Variants in CHM observed in about 807,000 individuals in gnomAD.
CHM encodes the protein CHM Rab escort protein.
In CHM, 10 loss-of-function variants were observed where a neutral mutation model predicts 49.0. The observed-to-expected ratio is 0.20, with a 90% confidence interval of 0.13 to 0.35. CHM has a LOEUF of 0.35. CHM is among the 10% of genes least tolerant of loss of function. The pLI, the probability that CHM is intolerant of heterozygous loss-of-function variation, is 1.00. For synonymous variants in CHM, 184 were observed against 167.5 expected, an observed-to-expected ratio of 1.10 and a Z score of -0.76; for missense variants, 455 against 478.4, an observed-to-expected ratio of 0.95 and a Z score of 0.46.
intron 9 of CHM, among the ~76,000 whole-genome samples, chrX:85,901,937 C>A (rs940735937): frequency 9.0e-6 from 1 of 111,654 alleles, no homozygotes; most frequent in African/African-American, 3.2e-5. Flanking sequence ...AAATTAGAAT[C>A]CATCTCCTTG....
intron 14 of CHM, 38 bp downstream of exon 14, chrX:85,873,014 C>T (rs759154134): frequency 1.7e-6 from 2 of 1,172,798 alleles, no homozygotes; most frequent in African/African-American, 1.8e-5. Flanking sequence ...ACCACACCAA[C>T]ATCTTAATAC....
rs1199812050 is a variant in CHM at position 85,953,731 on chromosome X, GA to G, written c.1166+2421del. Among the ~76,000 whole-genome samples, 4 of 111,953 alleles carry G rather than the reference GA, an allele frequency of 3.6e-5. No homozygotes were observed. The East Asian group carries it at 8.4e-4, about 23-fold the overall frequency. On this transcript the variant is annotated intron_variant, in intron 8 of 14. Coordinates refer to ENST00000357749, the MANE Select transcript of CHM (RefSeq NM_000390.4). ...ACTGGATATCTGTATGCAGAAAAATGAAACTAGACCCCTATCTTTTGCAGTA... is the reference window on the plus strand; with the variant it reads ...ACTGGATATCTGTATGCAGAAAAATGAACTAGACCCCTATCTTTTGCAGTA...
intron 8 of CHM, among the ~76,000 whole-genome samples, chrX:85,916,124 C>T (rs896717762): frequency 3.6e-5 from 4 of 110,466 alleles, no homozygotes; most frequent in African/African-American, 1.3e-4. Flanking sequence ...GAACAGAATA[C>T]AGAACCCAGA....
intron 11 of CHM, among the ~76,000 whole-genome samples, chrX:85,899,463 T>G (rs1435006411): frequency 9.0e-6 from 1 of 111,260 alleles, no homozygotes; most frequent in African/African-American, 3.3e-5. Flanking sequence ...ATTTTCAATT[T>G]CACAGAAATA....
At chrX:85,943,794 T>C (rs1453105095) in intron 8 of CHM, among the ~76,000 whole-genome samples, 3 of 111,750 alleles carry the variant, frequency 2.7e-5, no homozygotes, top group Non-Finnish European at 5.6e-5. Context: ...GAAAATCTGG[T>C]TTCTAGCCTC....
At chrX:85,948,295 T>C (rs927276065) in intron 8 of CHM, among the ~76,000 whole-genome samples, 4 of 112,177 alleles carry the variant, frequency 3.6e-5, no homozygotes, top group Non-Finnish European at 5.6e-5. Context: ...ATAAACTGCA[T>C]ATATATCCTG....
chrX:85,955,574 A>G (rs2147662037), intron 8 of CHM, among the ~76,000 whole-genome samples: 1 of 112,374 alleles, frequency 8.9e-6, no homozygotes, highest in East Asian at 2.8e-4. Flanking sequence ...AAAAAATTTT[A>G]AATGTTGGCA....
Position 85,978,907 on chromosome X carries a change from A to G in CHM, c.190-16T>C. 8.4e-7 allele frequency: 1 copy of G among 1,197,500 alleles called. No homozygotes were observed. The highest frequency in any genetic ancestry group is 2.2e-5 in the Admixed American group (1 of 45,611). On this transcript the variant is annotated splice_polypyrimidine_tract_variant and intron_variant, in intron 3 of 14. Coordinates refer to ENST00000357749, the MANE Select transcript of CHM (RefSeq NM_000390.4). ...CACTGTTTTCCTAAACAAAACACAG[A>G]TAAGAAGTTTTAATCAAAGTGGGCA...
At chrX:86,000,235 A>G (rs1932632212) in intron 2 of CHM, among the ~76,000 whole-genome samples, 1 of 103,529 alleles carries the variant, frequency 9.7e-6, no homozygotes, top group East Asian at 3.1e-4. Flanking sequence ...TCAGGTTACT[A>G]TTCTACTAGC....
chrX:86,004,529 A>G lies in CHM; in HGVS notation c.117-22720T>C, dbSNP rs774675432. Among the ~76,000 whole-genome samples, 249 of 111,720 alleles carry G rather than the reference A, an allele frequency of 2.2e-3. 4 individuals carry two copies. The highest frequency in any genetic ancestry group is 7.9e-3 in the African/African-American group (243 of 30,727). ...TTCAGAAGACCAATCTCACAGGCAA[A>G]GACGCACATAGACTCAAAATAAAAG... On this transcript the variant is annotated intron_variant, in intron 2 of 14. Transcript: ENST00000357749.
At chrX:86,030,522 A>T (rs980977737) in intron 1 of CHM, among the ~76,000 whole-genome samples, 3 of 111,881 alleles carry the variant, frequency 2.7e-5, no homozygotes, top group African/African-American at 9.8e-5. Context: ...GGAGAGAGAG[A>T]ACAAACTGTG....
chrX:85,865,325 C>G (rs997492853), intron 14 of CHM, among the ~76,000 whole-genome samples: 1 of 111,310 alleles, frequency 9.0e-6, no homozygotes, highest in Non-Finnish European at 1.9e-5. Context: ...TTTAGCAGTT[C>G]CCCCTTTTCT....
At chrX:85,959,599 A>G (rs953348965) in intron 5 of CHM, among the ~76,000 whole-genome samples, 17 of 111,886 alleles carry the variant, frequency 1.5e-4, no homozygotes, top group African/African-American at 5.2e-4. Flanking sequence ...TATATGAGAT[A>G]TGTCTTTCTC....
intron 8 of CHM, among the ~76,000 whole-genome samples, chrX:85,911,741 G>A: frequency 9.0e-6 from 1 of 111,266 alleles, no homozygotes; most frequent in East Asian, 2.8e-4. Flanking sequence ...GGAAGACTCT[G>A]GAAAACTCCT....
chrX:85,904,561 G>T (rs1243762069), intron 9 of CHM, among the ~76,000 whole-genome samples: 1 of 111,935 alleles, frequency 8.9e-6, no homozygotes, highest in African/African-American at 3.2e-5. Flanking sequence ...AAAGAAAGCA[G>T]AAATCACATA....
intron 9 of CHM, among the ~76,000 whole-genome samples, chrX:85,910,505 G>C (rs1166848069): frequency 6.3e-5 from 7 of 111,238 alleles, no homozygotes; most frequent in Non-Finnish European, 1.3e-4. Flanking sequence ...AGAAATCAAA[G>C]AATATTTTAT....
chrX:86,046,825 C>T (rs1188107320), intron 1 of CHM, among the ~76,000 whole-genome samples: 5 of 111,534 alleles, frequency 4.5e-5, no homozygotes, highest in Non-Finnish European at 1.9e-5. Flanking sequence ...GAACTCAGGA[C>T]CTTATTCTCA....
chrX:85,910,059 G>C (rs1461672181), intron 9 of CHM, among the ~76,000 whole-genome samples: 1 of 111,424 alleles, frequency 9.0e-6, no homozygotes, highest in African/African-American at 3.3e-5. Context: ...AAGTGCTAAA[G>C]GTACTTTACA....
At chrX:86,030,289 A>G (rs1302923184) in intron 1 of CHM, among the ~76,000 whole-genome samples, 1 of 112,769 alleles carries the variant, frequency 8.9e-6, no homozygotes, top group Non-Finnish European at 1.9e-5. Flanking sequence ...GAAATTCATA[A>G]GCTGTTCTAA....
Sources: allele counts gnomAD v4.1 joint callset (sites outside exome capture counted in the v4.1 genomes callset), GRCh38; gene constraint gnomAD v4.1.1; transcripts MANE v1.5; gene names NCBI Gene and HGNC (gene_info 2026-07-23, HGNC 2026-07-21).